EML4: variants seen among roughly 807,000 people sequenced by gnomAD.
The protein encoded by EML4 is EMAP like 4.
In EML4, 72 loss-of-function variants were observed where a neutral mutation model predicts 129.0. The observed-to-expected ratio is 0.56, with a 90% CI of 0.46 to 0.68. EML4 has a LOEUF of 0.68. Among genes scored for constraint, EML4 ranks in the 30% least tolerant of loss-of-function variants. EML4 has a pLI of 0.00. For missense variants in EML4, 1,363 were observed against 1,190.6 expected, an observed-to-expected ratio of 1.14 and a Z score of -2.13; for synonymous variants, 532 against 405.0, an observed-to-expected ratio of 1.31 and a Z score of -3.77.
rs147807157 is a variant in EML4, at chr2:42,268,473, C to G, written c.667+3742C>G. The stretch of plus-strand genomic sequence containing the variant: ...ATTTATTTAGAGACAGGGTCTCACT[C>G]TGCCACCGAGGCTGGAGTTCAGTGC... On this transcript the variant is annotated intron_variant, in intron 6 of 22. Coordinates refer to ENST00000318522, the MANE Select transcript of EML4 (RefSeq NM_019063.5). Among the ~76,000 whole-genome samples the G allele has an allele frequency of 6.0e-4, 92 of 152,302 alleles. No homozygotes were observed. In the Middle Eastern group the frequency reaches 0.014, roughly 23 times the overall value.
intron 1 of EML4, among the ~76,000 whole-genome samples, chr2:42,178,746 C>T (rs890553548): frequency 1.3e-5 from 2 of 152,170 alleles, no homozygotes; most frequent in Non-Finnish European, 2.9e-5. Context: ...TGCTGAAATA[C>T]ATTTTTTCCC....
At chr2:42,309,470 C>T (rs1420741982) in intron 17 of EML4, among the ~76,000 whole-genome samples, 1 of 141,664 alleles carries the variant, frequency 7.1e-6, no homozygotes, top group Admixed American at 7.1e-5. Context: ...TGTTTAGGAA[C>T]TACCAAACTT....
At position 42,261,129 on chromosome 2, in the gene EML4, A is replaced by G; in HGVS notation, c.347A>G (p.Glu116Gly). 1.9e-6 allele frequency: 3 copies of G among 1,605,804 alleles called. No homozygotes were observed. Among genetic ancestry groups the G allele is most frequent in the Non-Finnish European group, 2.6e-6 (3 of 1,175,836 alleles). The change falls in exon 4 of 23, where the codon GAA (glutamate) becomes GGA (glycine). Residue 116 changes from glutamate to glycine, a missense_variant. By Grantham distance (98) the Glu-to-Gly change is moderately conservative. Coordinates refer to ENST00000318522, the MANE Select transcript of EML4 (RefSeq NM_019063.5). ...TATACTTTATTTTACAGTGGTACAG[A>G]AAAAAAGAAAGAAAAACCACAAGGA... ...TLSSAAKSGT[E>G]KKKEKPQGQR...
chr2:42,197,165 T>G (rs1671940691), intron 1 of EML4, among the ~76,000 whole-genome samples: 1 of 152,166 alleles, frequency 6.6e-6, no homozygotes, highest in Non-Finnish European at 1.5e-5. Context: ...CAGGATCAGG[T>G]GATACCCCCA....
intron 2 of EML4, among the ~76,000 whole-genome samples, chr2:42,250,619 C>A (rs888505470): frequency 6.6e-6 from 1 of 151,934 alleles, no homozygotes; most frequent in Non-Finnish European, 1.5e-5. Flanking sequence ...GGTGTACTTG[C>A]ACAAACCTAG....
intron 1 of EML4, among the ~76,000 whole-genome samples, chr2:42,179,231 A>G (rs575188057): frequency 3.3e-5 from 5 of 151,090 alleles, no homozygotes; most frequent in Admixed American, 2.6e-4. Context: ...CAGATGGGGA[A>G]CATCCTATTT....
chr2:42,170,490 A>T (rs751073900), intron 1 of EML4, among the ~76,000 whole-genome samples: 2 of 152,212 alleles, frequency 1.3e-5, no homozygotes, highest in Non-Finnish European at 2.9e-5. Flanking sequence ...GGAAGAGGTT[A>T]TTAAATAGGC....
At chr2:42,232,922 T>G (rs370473418) in intron 1 of EML4, among the ~76,000 whole-genome samples, 33 of 152,158 alleles carry the variant, frequency 2.2e-4, no homozygotes, top group African/African-American at 6.8e-4. Flanking sequence ...AGATGGGGTT[T>G]CACCGTGTTA....
intron 1 of EML4, among the ~76,000 whole-genome samples, chr2:42,196,028 T>G (rs576314988): frequency 3.9e-5 from 6 of 152,130 alleles, no homozygotes; most frequent in Admixed American, 3.9e-4. Flanking sequence ...CAGACTTAGA[T>G]ATAGTATTTT....
intron 1 of EML4, among the ~76,000 whole-genome samples, chr2:42,238,423 G>A (rs572150442): frequency 6.6e-6 from 1 of 152,058 alleles, no homozygotes; most frequent in Admixed American, 6.6e-5. Flanking sequence ...AAGAGGTAAG[G>A]GGAAAAGTAG....
chr2:42,264,592 G>T (rs1665947109), intron 5 of EML4, 114 bp from the exon 6 acceptor site: 2 of 684,652 alleles, frequency 2.9e-6, no homozygotes, highest in East Asian at 5.5e-5. Flanking sequence ...CACTTCCAGA[G>T]ATTTATCTAG....
chr2:42,295,355 T>C, intron 12 of EML4, 26 bp from the exon 13 acceptor site: 2 of 1,604,778 alleles, frequency 1.2e-6, no homozygotes, highest in East Asian at 4.5e-5. Flanking sequence ...AAAAGAAAAC[T>C]GAAAATTTTT....
intron 19 of EML4, 76 bp downstream of exon 19, chr2:42,317,600 T>C (rs1669311621): frequency 1.1e-6 from 1 of 951,238 alleles, no homozygotes; most frequent in East Asian, 2.4e-5. Flanking sequence ...TTTACATCGA[T>C]GTGTGTGTTG....
At chr2:42,265,506 C>G (rs1558556255) in intron 6 of EML4, among the ~76,000 whole-genome samples, 2 of 152,168 alleles carry the variant, frequency 1.3e-5, no homozygotes, top group Non-Finnish European at 2.9e-5. Flanking sequence ...CCCCAAAATG[C>G]TGGGATTATA....
At chr2:42,255,939 G>A (rs1676116590) in intron 2 of EML4, among the ~76,000 whole-genome samples, 3 of 152,152 alleles carry the variant, frequency 2.0e-5, no homozygotes. Context: ...TTGACTCTTA[G>A]TATAGATAGG....
chr2:42,234,520 A>G (rs2104223315), intron 1 of EML4, among the ~76,000 whole-genome samples: 1 of 152,296 alleles, frequency 6.6e-6, no homozygotes, highest in South Asian at 2.1e-4. Context: ...GTGACAAAAG[A>G]AGTCTGAGGA....
intron 6 of EML4, among the ~76,000 whole-genome samples, chr2:42,272,738 T>G (rs1666444821): frequency 6.6e-6 from 1 of 152,214 alleles, no homozygotes; most frequent in African/African-American, 2.4e-5. Flanking sequence ...TGAAAAGACT[T>G]TAACCACAAT....
chr2:42,247,820 G>A (rs1036388993), intron 2 of EML4, among the ~76,000 whole-genome samples: 1 of 151,888 alleles, frequency 6.6e-6, no homozygotes, highest in Non-Finnish European at 1.5e-5. Context: ...ATGTATATGG[G>A]CTTTATAGGG....
At chr2:42,264,776 T>A (rs2104398680) in intron 6 of EML4, 45 bp downstream of exon 6, 1 of 1,453,366 alleles carries the variant, frequency 6.9e-7, no homozygotes, top group Non-Finnish European at 9.5e-7. Flanking sequence ...CCCTTCTTAG[T>A]TTAATTTTTG....
Sources: allele counts gnomAD v4.1 joint callset (sites outside exome capture counted in the v4.1 genomes callset), GRCh38; gene constraint gnomAD v4.1.1; transcripts MANE v1.5; gene names NCBI Gene and HGNC (gene_info 2026-07-23, HGNC 2026-07-21).